Variants in ZNF385D observed in about 807,000 individuals in gnomAD.
The protein encoded by ZNF385D is zinc finger protein 385D.
A neutral mutation model predicts 35.8 loss-of-function variants in ZNF385D; 15 were observed. That is an observed-to-expected ratio of 0.42 (90% CI 0.28 to 0.64). ZNF385D has a LOEUF of 0.64. Among genes scored for constraint, ZNF385D ranks in the 30% least tolerant of loss-of-function variants. The pLI is 0.23. For missense variants in ZNF385D, 474 were observed against 494.6 expected, an observed-to-expected ratio of 0.96 and a Z score of 0.39; for synonymous variants, 212 against 186.8, an observed-to-expected ratio of 1.13 and a Z score of -1.10.
At chr3:21,669,751 C>T (rs2066505422) in intron 1 of ZNF385D, among the ~76,000 whole-genome samples, 1 of 152,124 alleles carries the variant, frequency 6.6e-6, no homozygotes, top group Non-Finnish European at 1.5e-5. Context: ...GAAGAACTTC[C>T]AAAGCAGCTA....
At chr3:21,631,173 A>G (rs1291319841) in intron 2 of ZNF385D, among the ~76,000 whole-genome samples, 1 of 152,076 alleles carries the variant, frequency 6.6e-6, no homozygotes, top group Non-Finnish European at 1.5e-5. Flanking sequence ...TTCTGATGAC[A>G]ATTTCCTTTT....
chr3:22,290,447 G>C (rs750797947), intron 2 of ZNF385D, among the ~76,000 whole-genome samples: 1 of 152,140 alleles, frequency 6.6e-6, no homozygotes, highest in African/African-American at 2.4e-5. Flanking sequence ...CCACAACACA[G>C]GGTTGGAGAA....
intron 3 of ZNF385D, among the ~76,000 whole-genome samples, chr3:22,060,335 T>C (rs1699627599): frequency 1.3e-5 from 2 of 152,196 alleles, no homozygotes; most frequent in African/African-American, 2.4e-5. Context: ...ACTAACACAG[T>C]GCTCAATAAG....
At chr3:21,856,072 A>G (rs1042315453) in intron 3 of ZNF385D, among the ~76,000 whole-genome samples, 10 of 152,182 alleles carry the variant, frequency 6.6e-5, no homozygotes, top group Admixed American at 2.0e-4. Context: ...TAGCTGAAGC[A>G]TAAGTCAACA....
intron 3 of ZNF385D, among the ~76,000 whole-genome samples, chr3:22,117,120 G>C (rs1427818732): frequency 6.6e-6 from 1 of 151,968 alleles, no homozygotes; most frequent in Non-Finnish European, 1.5e-5. Flanking sequence ...CACTGGTGAG[G>C]CTTTATGTCA....
intron 3 of ZNF385D, among the ~76,000 whole-genome samples, chr3:21,864,917 A>G (rs1227623244): frequency 1.3e-5 from 2 of 151,588 alleles, no homozygotes; most frequent in Admixed American, 1.3e-4. Context: ...TTATAGTGCT[A>G]CTTACCAAAT....
intron 2 of ZNF385D, among the ~76,000 whole-genome samples, chr3:22,297,051 T>C (rs1010749183): frequency 6.6e-6 from 1 of 152,182 alleles, no homozygotes; most frequent in African/African-American, 2.4e-5. Context: ...ATTTATGTGA[T>C]AGATTGTATT....
At chr3:21,602,287 C>T (rs533824050) in intron 2 of ZNF385D, among the ~76,000 whole-genome samples, 1 of 152,154 alleles carries the variant, frequency 6.6e-6, no homozygotes, top group African/African-American at 2.4e-5. Flanking sequence ...GGTGGGGACA[C>T]AGCCAAACCA....
chr3:21,810,536 ATG>A (rs945083383), intron 3 of ZNF385D, among the ~76,000 whole-genome samples: 1 of 151,964 alleles, frequency 6.6e-6, no homozygotes, highest in Non-Finnish European at 1.5e-5. Flanking sequence ...AAAACTATAT[ATG>A]TGTGTGTATG....
Position 21,629,577 on chromosome 3 carries a change from TAG to T in ZNF385D, c.165+35307_165+35308del, listed in dbSNP as rs566031136. Among the ~76,000 whole-genome samples the T allele has an allele frequency of 4.7e-4, 71 of 152,306 alleles. No individual in the cohort carries two copies. The South Asian group carries it at 0.014, about 30-fold the overall frequency. ...AGGCACATACTCTTGTCTGCCCATG[TAG>T]AGTTTCTTTTTCTTCTTCTTTTTTT... On this transcript the variant is annotated intron_variant, in intron 2 of 7. Coordinates refer to ENST00000281523, the MANE Select transcript of ZNF385D (RefSeq NM_024697.3).
intron 2 of ZNF385D, chr3:21,579,921 A>T (rs2063604571): frequency 6.6e-6 from 1 of 151,730 alleles, no homozygotes; most frequent in African/African-American, 2.4e-5. Flanking sequence ...TAATGACCTC[A>T]TTTTAACTTG....
chr3:21,692,211 C>T (rs542847201), intron 1 of ZNF385D, among the ~76,000 whole-genome samples: 3 of 152,250 alleles, frequency 2.0e-5, no homozygotes, highest in South Asian at 2.1e-4. Flanking sequence ...GATGAAGACC[C>T]TGAGGTTTAG....
At chr3:22,138,966 T>A (rs1018898321) in intron 3 of ZNF385D, among the ~76,000 whole-genome samples, 3 of 151,976 alleles carry the variant, frequency 2.0e-5, no homozygotes, top group Non-Finnish European at 4.4e-5. Flanking sequence ...CCAACAAATT[T>A]ACAAGAAAAA....
At chr3:21,485,785 A>G (rs1704984699) in intron 4 of ZNF385D, among the ~76,000 whole-genome samples, 1 of 152,002 alleles carries the variant, frequency 6.6e-6, no homozygotes, top group Admixed American at 6.6e-5. Context: ...CATCCTCCCT[A>G]TGATTTGTTA....
At chr3:21,836,109 T>G (rs1020857367) in intron 3 of ZNF385D, among the ~76,000 whole-genome samples, 1 of 152,002 alleles carries the variant, frequency 6.6e-6, no homozygotes, top group African/African-American at 2.4e-5. Flanking sequence ...TAATTGCAGA[T>G]TATGGAAGCA....
chr3:21,860,814 G>T (rs991156664), intron 3 of ZNF385D, among the ~76,000 whole-genome samples: 5 of 152,130 alleles, frequency 3.3e-5, no homozygotes, highest in African/African-American at 1.2e-4. Flanking sequence ...CTGAACATAT[G>T]CCTGTAGCAA....
At chr3:22,287,858 A>G (rs1256106783) in intron 2 of ZNF385D, among the ~76,000 whole-genome samples, 1 of 152,070 alleles carries the variant, frequency 6.6e-6, no homozygotes, top group Non-Finnish European at 1.5e-5. Flanking sequence ...AGTTTTATAC[A>G]TTCACATGTT....
At chr3:21,759,519 C>A (rs1486607731) in intron 3 of ZNF385D, among the ~76,000 whole-genome samples, 1 of 152,098 alleles carries the variant, frequency 6.6e-6, no homozygotes, top group East Asian at 1.9e-4. Flanking sequence ...AAATGTACTT[C>A]CAAGTATTTC....
At chr3:21,426,343 T>C (rs1701025933) in intron 5 of ZNF385D, among the ~76,000 whole-genome samples, 1 of 152,174 alleles carries the variant, frequency 6.6e-6, no homozygotes, top group African/African-American at 2.4e-5. Context: ...CCCAAGCATA[T>C]ACACGATGGA....
Sources: gnomAD v4.1 joint callset for allele counts (sites outside exome capture counted in the v4.1 genomes callset) on GRCh38, gnomAD v4.1.1 for gene constraint, MANE v1.5 for transcripts, NCBI Gene and HGNC (gene_info 2026-07-23, HGNC 2026-07-21) for gene names.